PCNX1: variants seen among roughly 807,000 people sequenced by gnomAD.
PCNX1 encodes the protein pecanex 1, also known as pecanex-like protein 1.
A neutral mutation model predicts 242.2 loss-of-function variants in PCNX1; 78 were observed. That is an observed-to-expected ratio of 0.32 (90% CI 0.27 to 0.39). The LOEUF (loss-of-function observed/expected upper bound fraction) is 0.39. Ranked by LOEUF, PCNX1 falls within the 10% of genes least tolerant of loss-of-function variation. The pLI is 1.00. For missense variants in PCNX1, 2,581 were observed against 2,856.5 expected (o/e 0.90, Z 2.20); for synonymous variants, 1,024 against 1,032.9 (o/e 0.99, Z 0.17).
At chr14:70,954,249 C>T (rs2057904711) in intron 2 of PCNX1, among the ~76,000 whole-genome samples, 1 of 152,076 alleles carries the variant, frequency 6.6e-6, no homozygotes, top group Non-Finnish European at 1.5e-5. Context: ...GCTCTCTGTT[C>T]TGTTCTGTTC....
intron 1 of PCNX1, among the ~76,000 whole-genome samples, chr14:70,925,958 A>G (rs962155391): frequency 2.6e-5 from 4 of 152,036 alleles, no homozygotes; most frequent in African/African-American, 9.7e-5. Flanking sequence ...TTGAAAGCCT[A>G]CCTGTGATTG....
chr14:71,106,547 GT>G (rs375480782), intron 33 of PCNX1, among the ~76,000 whole-genome samples: 2,257 of 140,390 alleles, frequency 0.016, 34 homozygotes, highest in African/African-American at 0.047. Context: ...TTCCAGAAAG[GT>G]TTTTTTTTTT....
intron 11 of PCNX1, 68 bp downstream of exon 11, chr14:71,013,270 C>T (rs2059872093): frequency 2.5e-6 from 3 of 1,203,600 alleles, no homozygotes; most frequent in Non-Finnish European, 3.7e-6. Flanking sequence ...TCTTTAATTA[C>T]CCACTGAGGT....
At chr14:71,100,732 T>G (rs2062440549) in intron 30 of PCNX1, among the ~76,000 whole-genome samples, 1 of 152,208 alleles carries the variant, frequency 6.6e-6, no homozygotes, top group Non-Finnish European at 1.5e-5. Context: ...TGTCATTAAT[T>G]GGTAAGTTTG....
chr14:70,922,631 A>G (rs901211333), intron 1 of PCNX1, among the ~76,000 whole-genome samples: 10 of 152,104 alleles, frequency 6.6e-5, no homozygotes, highest in African/African-American at 2.2e-4. Context: ...GAAATAGCCA[A>G]TGGGATTATA....
chr14:70,910,919 T>A (rs1002680132), intron 1 of PCNX1, among the ~76,000 whole-genome samples: 1 of 151,992 alleles, frequency 6.6e-6, no homozygotes, highest in African/African-American at 2.4e-5. Flanking sequence ...TAGGAAAGGG[T>A]AAGTAAAGAG....
chr14:70,964,831 G>T (rs1177540580), intron 3 of PCNX1, among the ~76,000 whole-genome samples: 1 of 152,104 alleles, frequency 6.6e-6, no homozygotes, highest in Non-Finnish European at 1.5e-5. Context: ...GGCAAATATT[G>T]GAGGTTATTG....
chr14:70,912,281 G>A (rs560341367), intron 1 of PCNX1, among the ~76,000 whole-genome samples: 2 of 152,150 alleles, frequency 1.3e-5, no homozygotes, highest in Admixed American at 6.5e-5. Context: ...AATTTATTAC[G>A]TAAGTGGTTC....
chr14:70,946,592 G>C (rs2057465369), intron 1 of PCNX1, among the ~76,000 whole-genome samples: 1 of 152,162 alleles, frequency 6.6e-6, no homozygotes, highest in Non-Finnish European at 1.5e-5. Context: ...TATTTGACCA[G>C]TATAATCTAA....
chr14:70,947,978 G>A (rs2057526823), intron 2 of PCNX1, among the ~76,000 whole-genome samples: 1 of 152,192 alleles, frequency 6.6e-6, no homozygotes, highest in Non-Finnish European at 1.5e-5. Context: ...CTGGTCTCCA[G>A]CAGCGCCCCC....
At chr14:71,085,135 G>T (rs986468163) in intron 28 of PCNX1, among the ~76,000 whole-genome samples, 2 of 152,158 alleles carry the variant, frequency 1.3e-5, no homozygotes, top group Non-Finnish European at 2.9e-5. Context: ...GTGAGGCAAC[G>T]CCCCACCCTG....
chr14:71,041,419 C>T (rs937535456), intron 19 of PCNX1, among the ~76,000 whole-genome samples: 1 of 152,036 alleles, frequency 6.6e-6, no homozygotes, highest in Non-Finnish European at 1.5e-5. Context: ...CTTCATTTTT[C>T]AATCTTGTTA....
At chr14:71,025,055 T>C (rs1431496955) in intron 13 of PCNX1, among the ~76,000 whole-genome samples, 2 of 152,212 alleles carry the variant, frequency 1.3e-5, no homozygotes, top group African/African-American at 2.4e-5. Flanking sequence ...GTTTCTTGCC[T>C]GATTCAGTTA....
chr14:71,037,172 C>G (rs1826435078), intron 19 of PCNX1, among the ~76,000 whole-genome samples: 1 of 150,764 alleles, frequency 6.6e-6, no homozygotes, highest in South Asian at 2.1e-4. Flanking sequence ...TGCTTATCAG[C>G]TTAAGGAGAT....
intron 30 of PCNX1, among the ~76,000 whole-genome samples, chr14:71,100,436 A>T (rs1438929927): frequency 6.6e-6 from 1 of 152,180 alleles, no homozygotes; most frequent in Non-Finnish European, 1.5e-5. Context: ...CTTCTGGCTT[A>T]TAAAGTTTCT....
In PCNX1 at chr14:71,110,032, T is replaced by C; in HGVS notation, c.*97T>C. On this transcript the variant is annotated 3_prime_UTR_variant, in exon 36 of 36. Coordinates refer to ENST00000304743, the MANE Select transcript of PCNX1 (RefSeq NM_014982.3). ...CAGAAGATGCCTGCAGGTATCACTTTGATCCTATGTGGGAGCGACTGAAAA... is the reference window on the plus strand; with the variant it reads ...CAGAAGATGCCTGCAGGTATCACTTCGATCCTATGTGGGAGCGACTGAAAA... 1 of 1,083,200 alleles carries C rather than the reference T, an allele frequency of 9.2e-7. No homozygotes were observed. The highest frequency in any genetic ancestry group is 1.4e-6 in the Non-Finnish European group (1 of 703,800). 67.1% of individuals were successfully genotyped at this position (1,083,200 alleles called of 1,614,324 possible).
intron 17 of PCNX1, 49 bp downstream of exon 17, chr14:71,033,587 G>A: frequency 2.8e-6 from 3 of 1,067,432 alleles, no homozygotes; most frequent in Non-Finnish European, 4.3e-6. Context: ...AAGTAAGTTG[G>A]TGTTTTTTTC....
At chr14:70,973,749 T>A (rs887463393) in intron 5 of PCNX1, among the ~76,000 whole-genome samples, 1 of 152,178 alleles carries the variant, frequency 6.6e-6, no homozygotes, top group Non-Finnish European at 1.5e-5. Context: ...GATTTTTGTT[T>A]ATAAAAGTAA....
chr14:71,015,563 A>C (rs56832842), intron 11 of PCNX1, among the ~76,000 whole-genome samples: 10,633 of 152,256 alleles, frequency 0.07, 486 homozygotes, highest in East Asian at 0.27. Flanking sequence ...TGGGAGGCAG[A>C]GGCAGGAGGA....
Sources: gnomAD v4.1 joint callset for allele counts (sites outside exome capture counted in the v4.1 genomes callset) on GRCh38, gnomAD v4.1.1 for gene constraint, MANE v1.5 for transcripts, NCBI Gene and HGNC (gene_info 2026-07-23, HGNC 2026-07-21) for gene names.